CMC2: variants seen among roughly 807,000 people sequenced by gnomAD.
CMC2 encodes the protein COX assembly mitochondrial protein 2 homolog.
CMC2 carries 5 observed loss-of-function variants against 7.5 expected under a neutral mutation model. The ratio of observed to expected loss-of-function variants is 0.66; its 90% CI spans 0.35 to 1.40. The LOEUF (loss-of-function observed/expected upper bound fraction) is 1.40, where lower values mean the gene tolerates loss of function less well. Among genes scored for constraint, CMC2 ranks in the 40% most tolerant of loss-of-function variants. CMC2 has a pLI of 0.04. For synonymous variants in CMC2, 37 were observed against 31.4 expected (o/e 1.18, Z -0.60); for missense variants, 115 against 92.3 (o/e 1.25, Z -1.01).
In CMC2 at chr16:80,975,315, A is replaced by C. The variant is rs992586730; in HGVS notation, c.*778T>G. 6.6e-6 allele frequency: 1 copy of C among 152,230 alleles called. No individual in the cohort carries two copies. Among genetic ancestry groups the C allele is most frequent in the Non-Finnish European group, 1.5e-5 (1 of 68,046 alleles). The allele number at this position is 152,230 out of a possible 1,614,324, so 9.4% of individuals were successfully genotyped here. A position where few individuals can be genotyped will look rare whatever the true frequency, so the allele number is the denominator to read the frequency against. ...ATGAAATTTTATCAATGTTAAGTGT[A>C]AATATTTAATCTTTTAGTCTGGGCA... On this transcript the variant is annotated 3_prime_UTR_variant, in exon 4 of 4. Coordinates refer to ENST00000219400, the MANE Select transcript of CMC2 (RefSeq NM_020188.5).
intron 1 of CMC2, among the ~76,000 whole-genome samples, chr16:81,000,421 A>C (rs1968775548): frequency 6.6e-6 from 1 of 152,156 alleles, no homozygotes; most frequent in Admixed American, 6.5e-5. Context: ...GCTTGAACCC[A>C]GGAGGCGGAG....
rs1382169063 is a variant in CMC2 at position 80,973,126 on chromosome 16, G to A, written c.*2967C>T. The A allele has an allele frequency of 6.6e-6, 1 of 152,290 alleles. No homozygotes were observed. Among genetic ancestry groups the A allele is most frequent in the Admixed American group, 6.5e-5 (1 of 15,288 alleles). 9.4% of individuals were successfully genotyped at this position (152,290 alleles called of 1,614,324 possible). A position where few individuals can be genotyped will look rare whatever the true frequency, so the allele number is the denominator to read the frequency against. On this transcript the variant is annotated 3_prime_UTR_variant, in exon 4 of 4. Coordinates refer to ENST00000219400, the MANE Select transcript of CMC2 (RefSeq NM_020188.5). ...GTCAGCAAGGCTGATGAGATGTAAA[G>A]CATGGAATAAGATGCAGCCACCCCT...
intron 2 of CMC2, among the ~76,000 whole-genome samples, chr16:80,991,486 C>CA (rs897507378): frequency 6.6e-6 from 1 of 151,900 alleles, no homozygotes; most frequent in African/African-American, 2.4e-5. Flanking sequence ...TATACAAATA[C>CA]AAAAAATTAT....
At chr16:80,989,645 T>TTGCTAC (rs1284358871) in intron 2 of CMC2, among the ~76,000 whole-genome samples, 2 of 152,100 alleles carry the variant, frequency 1.3e-5, no homozygotes, top group Non-Finnish European at 2.9e-5. Flanking sequence ...CGTATGCTCA[T>TTGCTAC]TGCTACAGGA....
At position 80,967,742 on chromosome 16, in the gene CMC2, G is replaced by A. The variant is rs182632929; in HGVS notation, c.*8351C>T. The A allele has an allele frequency of 9.7e-4, 147 of 152,276 alleles. 1 individual carries two copies. Among genetic ancestry groups the A allele is most frequent in the African/African-American group, 3.2e-3 (134 of 41,562 alleles). 9.4% of individuals were successfully genotyped at this position (152,276 alleles called of 1,614,324 possible). ...ATGCTCTGTAAGCAAATACTCCAGTGAAAAATAGCCAGGTCTAAATTTCTG... is the reference window on the plus strand; with the variant it reads ...ATGCTCTGTAAGCAAATACTCCAGTAAAAAATAGCCAGGTCTAAATTTCTG... On this transcript the variant is annotated 3_prime_UTR_variant, in exon 4 of 4. Transcript: ENST00000219400.
chr16:80,976,761 T>C (rs1487845482), intron 3 of CMC2, among the ~76,000 whole-genome samples: 2 of 152,352 alleles, frequency 1.3e-5, no homozygotes, highest in East Asian at 3.8e-4. Context: ...CCTTGTCAAC[T>C]ACCACCTTTT....
chr16:80,983,236 T>C (rs2047578488), intron 2 of CMC2: 1 of 152,270 alleles, frequency 6.6e-6, no homozygotes, highest in South Asian at 2.1e-4. Context: ...AGACAAGTTT[T>C]TGGGGAGTCA....
In CMC2 at chr16:80,975,924, C is replaced by T; in HGVS notation, c.*169G>A. 3.4e-6 allele frequency: 2 copies of T among 586,248 alleles called. No homozygotes were observed. Among genetic ancestry groups the T allele is most frequent in the Non-Finnish European group, 6.0e-6 (2 of 332,538 alleles). The allele number at this position is 586,248 out of a possible 1,614,324, so 36.3% of individuals were successfully genotyped here. On this transcript the variant is annotated 3_prime_UTR_variant, in exon 4 of 4. Coordinates refer to ENST00000219400, the MANE Select transcript of CMC2 (RefSeq NM_020188.5). The stretch of plus-strand genomic sequence containing the variant: ...GGGGAGACAGTACTAAACGCCCTGC[C>T]CAACAAATACTCAGAATCCAGGGTT...
intron 2 of CMC2, among the ~76,000 whole-genome samples, chr16:80,988,841 A>C (rs192952214): frequency 1.4e-3 from 209 of 150,818 alleles, no homozygotes; most frequent in African/African-American, 4.8e-3. Context: ...TATTTTTCTT[A>C]TCTTTAATCT....
chr16:80,988,467 G>T, intron 2 of CMC2: 1 of 663,294 alleles, frequency 1.5e-6, no homozygotes, highest in Non-Finnish European at 2.7e-6. Context: ...TTGAAGAAAA[G>T]TTCCAAGAAC....
rs1382303363 is a variant in CMC2 at position 80,971,376 on chromosome 16, T to C, written c.*4717A>G. 1.3e-5 allele frequency: 2 copies of C among 151,224 alleles called. No homozygotes were observed. The highest frequency in any genetic ancestry group is 2.4e-5 in the African/African-American group (1 of 41,020). The allele number at this position is 151,224 out of a possible 1,614,324, so 9.4% of individuals were successfully genotyped here. Reference sequence around the variant, plus strand: ...ACGGGGAAATACATAAACCGTGGTATAGGCCTACAACAAAATGCTATATAG... The same window carrying C: ...ACGGGGAAATACATAAACCGTGGTACAGGCCTACAACAAAATGCTATATAG... On this transcript the variant is annotated 3_prime_UTR_variant, in exon 4 of 4. Coordinates refer to ENST00000219400, the MANE Select transcript of CMC2 (RefSeq NM_020188.5).
At chr16:81,006,572 C>T (rs1245332385) in intron 1 of CMC2, 162 bp downstream of exon 1, 1 of 389,418 alleles carries the variant, frequency 2.6e-6, no homozygotes. Flanking sequence ...GCAGCCTCCC[C>T]AGCGCAGCAG....
At chr16:80,982,076 G>T (rs1244475548) in intron 2 of CMC2, among the ~76,000 whole-genome samples, 199 bp from the exon 3 acceptor site, 2 of 152,018 alleles carry the variant, frequency 1.3e-5, no homozygotes, top group East Asian at 3.8e-4. Context: ...CTTATACCTG[G>T]ATTTTCTTTC....
chr16:80,980,864 G>C (rs767806459), intron 3 of CMC2: 1 of 699,488 alleles, frequency 1.4e-6, no homozygotes. Flanking sequence ...TCCAGCTTAG[G>C]TGACAGAGCA....
chr16:80,981,761 C>G (rs761462737), intron 3 of CMC2, 45 bp downstream of exon 3: 6 of 1,234,796 alleles, frequency 4.9e-6, no homozygotes, highest in East Asian at 2.4e-5. Context: ...CAAAAATGTT[C>G]TGTTCTATTG....
chr16:80,980,972 A>C (rs1383560829), intron 3 of CMC2: 1 of 486,662 alleles, frequency 2.1e-6, no homozygotes, highest in Non-Finnish European at 3.7e-6. Context: ...TGAATGTCAC[A>C]ATTTAAAGGG....
chr16:80,983,359 G>A (rs1967276257), intron 2 of CMC2: 1 of 152,114 alleles, frequency 6.6e-6, no homozygotes, highest in Admixed American at 6.5e-5. Context: ...TTACAAAGAA[G>A]GAATAAATGT....
chr16:80,998,284 C>A (rs1412745758), intron 1 of CMC2: 1 of 151,904 alleles, frequency 6.6e-6, no homozygotes, highest in East Asian at 1.9e-4. Flanking sequence ...GAACCGATTA[C>A]CTGCTTTAAT....
At chr16:81,003,257 C>G (rs1034831716) in intron 1 of CMC2, among the ~76,000 whole-genome samples, 1 of 152,244 alleles carries the variant, frequency 6.6e-6, no homozygotes, top group African/African-American at 2.4e-5. Flanking sequence ...CACAATTTAA[C>G]TCAAAATATA....
Sources: gnomAD v4.1 joint callset for allele counts (sites outside exome capture counted in the v4.1 genomes callset) on GRCh38, gnomAD v4.1.1 for gene constraint, MANE v1.5 for transcripts, NCBI Gene and HGNC (gene_info 2026-07-23, HGNC 2026-07-21) for gene names.